CRX: variants seen among roughly 807,000 people sequenced by gnomAD.
CRX encodes the protein cone-rod homeobox, also known as cone-rod homeobox protein.
In CRX, 5 loss-of-function variants were observed where a neutral mutation model predicts 13.1. The observed-to-expected ratio is 0.38, with a 90% CI of 0.20 to 0.80. CRX has a LOEUF of 0.80. CRX is among the 30% of genes least tolerant of loss of function. The pLI, the probability that CRX is intolerant of heterozygous loss-of-function variation, is 0.43. For synonymous variants in CRX, 179 were observed against 171.1 expected (o/e 1.05, Z -0.36); for missense variants, 351 against 391.8 (o/e 0.90, Z 0.88).
At chr19:47,825,749 A>C (rs553267846) in intron 1 of CRX, among the ~76,000 whole-genome samples, 184 of 141,176 alleles carry the variant, frequency 1.3e-3, no homozygotes, top group Middle Eastern at 7.4e-3. Flanking sequence ...GAGAAACCCA[A>C]TCTCTACTAA....
Position 47,839,797 on chromosome 19 carries a change from C to A in CRX, c.730C>A (p.Pro244Thr). 1 of 1,614,154 alleles carries A rather than the reference C, an allele frequency of 6.2e-7. No individual in the cohort carries two copies. Among genetic ancestry groups the A allele is most frequent in the Non-Finnish European group, 8.5e-7 (1 of 1,180,012 alleles). Residue 244 changes from proline to threonine, a missense_variant, in exon 4 of 4, where the codon CCT becomes ACT. By Grantham distance (38) the Pro-to-Thr change is conservative. Transcript: ENST00000221996. This position sits in a 1 kb window ranked among gnomAD's most constrained non-coding sequence, Gnocchi z 4.6. ...LSPLSGPSVG[P>T]SLAQSPTSLS... is the part of the protein sequence containing the mutation. ...CCCCCTCTCTGGCCCCTCCGTGGGA[C>A]CTTCCCTGGCCCAGTCCCCCACCTC...
intron 3 of CRX, among the ~76,000 whole-genome samples, chr19:47,838,851 G>C (rs1215027699): frequency 6.6e-6 from 1 of 151,678 alleles, no homozygotes; most frequent in African/African-American, 2.4e-5. Flanking sequence ...GTATTAGATG[G>C]ATGGATGAAA....
chr19:47,833,255 GTTTGTT>G (rs1467107560), intron 1 of CRX, among the ~76,000 whole-genome samples: 5 of 127,818 alleles, frequency 3.9e-5, no homozygotes, highest in Admixed American at 1.6e-4. Context: ...TCGTTTTTTT[GTTTGTT>G]TTTGTTTTTG....
chr19:47,822,568 T>A (rs77754351), intron 1 of CRX, among the ~76,000 whole-genome samples: 2,293 of 152,240 alleles, frequency 0.015, 60 homozygotes, highest in African/African-American at 0.052. Flanking sequence ...AGCCCAGGTC[T>A]GTGGCTGCAA....
Position 47,834,607 on chromosome 19 carries a change from C to A in CRX, c.100+64C>A. The A allele has an allele frequency of 3.7e-6, 5 of 1,350,768 alleles. No individual in the cohort carries two copies. In the Admixed American group the frequency reaches 9.2e-5, roughly 25 times the overall value. 83.7% of individuals were successfully genotyped at this position (1,350,768 alleles called of 1,614,324 possible). On this transcript the variant is annotated intron_variant, in intron 2 of 3. Coordinates refer to ENST00000221996, the MANE Select transcript of CRX (RefSeq NM_000554.6). Reference sequence around the variant, plus strand: ...TCATCTCTTGGAGGACCTCTGGGGTCCCTTTGCCCCCAGGAAGAAGGCAAT... The same window carrying A: ...TCATCTCTTGGAGGACCTCTGGGGTACCTTTGCCCCCAGGAAGAAGGCAAT...
rs1968184954 is a variant in CRX, at chr19:47,840,702, C to CATT, written c.*735_*736insATT. On this transcript the variant is annotated 3_prime_UTR_variant, in exon 4 of 4. Coordinates refer to ENST00000221996, the MANE Select transcript of CRX (RefSeq NM_000554.6). ...ACAGGCGTGAGCCACCGCGCCCGGC[C>CATT]CTTTTTTTTTTTTTTTTTTTTAATT... The CATT allele has an allele frequency of 1.2e-5, 1 of 83,988 alleles. No homozygotes were observed. The highest frequency in any genetic ancestry group is 2.8e-5 in the Non-Finnish European group (1 of 35,866). The allele number at this position is 83,988 out of a possible 1,614,324, so 5.2% of individuals were successfully genotyped here.
intron 1 of CRX, among the ~76,000 whole-genome samples, chr19:47,825,044 G>C (rs112320069): frequency 0.019 from 2,661 of 136,736 alleles, 91 homozygotes; most frequent in African/African-American, 0.069. Context: ...AGGTTGGAAT[G>C]CAGTGGTGCA....
chr19:47,822,353 C>A lies in CRX; in HGVS notation c.-36+343C>A, dbSNP rs1266509388. 7.2e-5 allele frequency among the ~76,000 whole-genome samples: 11 copies of A among 152,332 alleles called. No homozygotes were observed. The East Asian group carries it at 1.9e-3, about 27-fold the overall frequency. ...GGTTCTAAGGCAACTCCTCAGCATACCGCTCTGTTGGATGTTCTTTAAAAC... is the reference window on the plus strand; with the variant it reads ...GGTTCTAAGGCAACTCCTCAGCATAACGCTCTGTTGGATGTTCTTTAAAAC... On this transcript the variant is annotated intron_variant, in intron 1 of 3. Transcript: ENST00000221996.
rs886418540 is a variant in CRX at position 47,840,643 on chromosome 19, T to C, written c.*676T>C. On this transcript the variant is annotated 3_prime_UTR_variant, in exon 4 of 4. Coordinates refer to ENST00000221996, the MANE Select transcript of CRX (RefSeq NM_000554.6). ...TGGTCTCGATCTCCTGACCTCGTGA[T>C]CCGCCCGCCTCGGCCTCCCAAAGTG... 6.6e-6 allele frequency: 1 copy of C among 150,652 alleles called. No individual in the cohort carries two copies. 9.3% of individuals were successfully genotyped at this position (150,652 alleles called of 1,614,324 possible). A position where few individuals can be genotyped will look rare whatever the true frequency, so the allele number is the denominator to read the frequency against.
chr19:47,825,261 C>A (rs958725111), intron 1 of CRX, among the ~76,000 whole-genome samples: 4 of 151,300 alleles, frequency 2.6e-5, no homozygotes, highest in African/African-American at 9.7e-5. Flanking sequence ...ACTGGCCTGG[C>A]CTGTTTTGTT....
chr19:47,829,793 C>T (rs1034535686), intron 1 of CRX, among the ~76,000 whole-genome samples: 15 of 141,156 alleles, frequency 1.1e-4, no homozygotes, highest in African/African-American at 3.7e-4. Context: ...CCATGCCTGA[C>T]CAATTTTTGT....
intron 1 of CRX, among the ~76,000 whole-genome samples, chr19:47,832,105 G>GTTTTT (rs71180891): frequency 1.1e-5 from 1 of 91,988 alleles, no homozygotes; most frequent in Non-Finnish European, 2.1e-5. Flanking sequence ...GCAGCCTTAT[G>GTTTTT]TTTTTTTTTT....
rs762021169 is a variant in CRX at position 47,839,289 on chromosome 19, AC to A, written c.253-28del. On this transcript the variant is annotated intron_variant, in intron 3 of 3. Coordinates refer to ENST00000221996, the MANE Select transcript of CRX (RefSeq NM_000554.6). The surrounding 1 kb of genome is among the most constrained non-coding windows in gnomAD (Gnocchi z 4.6). Reference sequence around the variant, plus strand: ...GCTCTCCTGGGCCTCTTCCCCACTTACCCACCCCCATCTCCGCTCTTATCCC... The same window carrying A: ...GCTCTCCTGGGCCTCTTCCCCACTTACCACCCCCATCTCCGCTCTTATCCC... 4 of 1,603,888 alleles carry A rather than the reference AC, an allele frequency of 2.5e-6. No homozygotes were observed. Among genetic ancestry groups the A allele is most frequent in the Non-Finnish European group, 3.4e-6 (4 of 1,175,860 alleles).
chr19:47,835,727 T>G (rs535539965), intron 2 of CRX, among the ~76,000 whole-genome samples: 1 of 150,540 alleles, frequency 6.6e-6, no homozygotes, highest in Non-Finnish European at 1.5e-5. Flanking sequence ...GTTCAAGCGA[T>G]TCTCCTCCCT....
intron 1 of CRX, among the ~76,000 whole-genome samples, chr19:47,832,289 A>AGTT (rs1240814636): frequency 3.4e-5 from 5 of 147,022 alleles, no homozygotes; most frequent in African/African-American, 1.3e-4. Context: ...TATTTTCTGC[A>AGTT]GAGACGGGGT....
intron 1 of CRX, among the ~76,000 whole-genome samples, chr19:47,826,475 C>A (rs1028336425): frequency 6.6e-6 from 1 of 152,120 alleles, no homozygotes; most frequent in African/African-American, 2.4e-5. Flanking sequence ...GGCGTTGTGG[C>A]ACACCTGTAG....
intron 2 of CRX, among the ~76,000 whole-genome samples, chr19:47,835,986 T>C (rs778733198): frequency 6.6e-6 from 1 of 152,178 alleles, no homozygotes; most frequent in East Asian, 1.9e-4. Context: ...CAACTGATTA[T>C]GTCTTAGTGC....
intron 2 of CRX, among the ~76,000 whole-genome samples, chr19:47,836,024 G>A (rs1968113144): frequency 6.6e-6 from 1 of 152,184 alleles, no homozygotes; most frequent in South Asian, 2.1e-4. Context: ...AGGGAAAAAC[G>A]ACTCGCACAC....
At chr19:47,827,810 C>T (rs1464102992) in intron 1 of CRX, among the ~76,000 whole-genome samples, 1 of 119,618 alleles carries the variant, frequency 8.4e-6, no homozygotes, top group Non-Finnish European at 1.6e-5. Flanking sequence ...GGCAAGAGCC[C>T]CTGCTCCTGG....
Sources: gnomAD v4.1 joint callset for allele counts (sites outside exome capture counted in the v4.1 genomes callset) on GRCh38, gnomAD v4.1.1 for gene constraint, Gnocchi (gnomAD v3.1) non-coding constraint, MANE v1.5 for transcripts, NCBI Gene and HGNC (gene_info 2026-07-23, HGNC 2026-07-21) for gene names.